The following ERCC6L variants were observed in gnomAD, a reference collection of about 807,000 sequenced individuals.
ERCC6L encodes the protein DNA excision repair protein ERCC-6-like.
Under a neutral mutation model 20.1 loss-of-function variants are expected in ERCC6L, and 7 were observed. The ratio of observed to expected loss-of-function variants is 0.35; its 90% CI spans 0.20 to 0.65. ERCC6L has a LOEUF of 0.65. Ranked by LOEUF, ERCC6L falls within the 30% of genes least tolerant of loss-of-function variation. The pLI, the probability that ERCC6L is intolerant of heterozygous loss-of-function variation, is 0.69. For synonymous variants in ERCC6L, 278 were observed against 331.3 expected (o/e 0.84, Z 1.75); for missense variants, 592 against 892.4 (o/e 0.66, Z 4.29).
chrX:72,218,509 T>G (rs1331373905), intron 1 of ERCC6L, among the ~76,000 whole-genome samples: 1 of 107,604 alleles, frequency 9.3e-6, no homozygotes, highest in Non-Finnish European at 1.9e-5. Flanking sequence ...TTTTTTTTTT[T>G]GGAAACAAGA....
chrX:72,206,167 T>C lies in ERCC6L; in HGVS notation c.2600A>G (p.Tyr867Cys), dbSNP rs1264226223. 1 of 1,210,311 alleles carries C rather than the reference T, an allele frequency of 8.3e-7. No individual in the cohort carries two copies. Among genetic ancestry groups the C allele is most frequent in the Non-Finnish European group, 1.1e-6 (1 of 895,256 alleles). ...LQEDPLESFN[Y>C]VLSKSTKADI... ...AGCTTTGGTTGATTTGCTAAGTACA[T>C]AATTAAAACTTTCCAGAGGATCCTC... Residue 867 changes from tyrosine to cysteine, a missense_variant, in exon 2 of 2, where the codon TAT (tyrosine) becomes TGT (cysteine). Tyr to Cys is a radical substitution (Grantham distance 194). This residue lies in a region of ERCC6L where 352 missense variants were observed against 402.6 expected (regional missense o/e 0.87). Transcript: ENST00000334463.
intron 1 of ERCC6L, among the ~76,000 whole-genome samples, chrX:72,229,690 T>A (rs1039448356): frequency 9.0e-6 from 1 of 111,592 alleles, no homozygotes; most frequent in African/African-American, 3.3e-5. Context: ...ATTGGACTTG[T>A]TCCTCCTGAT....
chrX:72,207,221 G>T lies in ERCC6L; in HGVS notation c.1546C>A (p.Arg516=). ...IDGTVTHLLE[R]EKRINLFQQN... ...TGGAATAAGTTAATTCTTTTTTCTC[G>T]TTCCAAAAGATGAGTAACTGTCCCA... The change falls in exon 2 of 2, where the codon CGA becomes AGA. Residue 516 remains arginine, a synonymous_variant. Transcript: ENST00000334463. 1.7e-6 allele frequency: 2 copies of T among 1,211,086 alleles called. No homozygotes were observed. Among genetic ancestry groups the T allele is most frequent in the Non-Finnish European group, 2.2e-6 (2 of 895,341 alleles).
At position 72,232,306 on chromosome X, in the gene ERCC6L, G is replaced by A. The variant is rs1224645648; in HGVS notation, c.68+6538C>T. On this transcript the variant is annotated intron_variant, in intron 1 of 1. Coordinates refer to ENST00000334463, the MANE Select transcript of ERCC6L (RefSeq NM_017669.4). ...AAAAAAAAAAAAAAAAAAGACAGCT[G>A]GGCATGGTGGCTCATGCCTGTAATC... Among the ~76,000 whole-genome samples, 3 of 95,624 alleles carry A rather than the reference G, an allele frequency of 3.1e-5. No homozygotes were observed. The Admixed American group carries it at 3.4e-4, about 11-fold the overall frequency. 83.0% of individuals were successfully genotyped at this position (95,624 alleles called of 115,157 possible).
intron 1 of ERCC6L, among the ~76,000 whole-genome samples, chrX:72,235,316 C>T (rs1418088289): frequency 9.1e-6 from 1 of 109,869 alleles, no homozygotes; most frequent in African/African-American, 3.3e-5. Context: ...CCCCATCTAC[C>T]GAGCCAGGTA....
At chrX:72,223,058 C>T (rs1423190344) in intron 1 of ERCC6L, among the ~76,000 whole-genome samples, 4 of 103,695 alleles carry the variant, frequency 3.9e-5, no homozygotes, top group Middle Eastern at 5.1e-3. Flanking sequence ...GAAGGTCAGC[C>T]GGGTGCAGTG....
intron 1 of ERCC6L, among the ~76,000 whole-genome samples, chrX:72,228,749 G>GT (rs1176754011): frequency 5.0e-4 from 54 of 108,190 alleles, no homozygotes; most frequent in Middle Eastern, 4.8e-3. Flanking sequence ...CTTTTTGCTT[G>GT]TTTTTTTTTC....
chrX:72,205,562 T>C lies in ERCC6L; in HGVS notation c.3205A>G (p.Ser1069Gly). 1 of 1,211,265 alleles carries C rather than the reference T, an allele frequency of 8.3e-7. No homozygotes were observed. The highest frequency in any genetic ancestry group is 1.1e-6 in the Non-Finnish European group (1 of 894,924). ...GATGAAAAGAACCTTCCTGGTGGAC[T>C]GATGTCATTTTTGGGAGTTGAAGCA... ...FDASTPKNDI[S>G]PPGRFFSSQI... Residue 1069 changes from serine to glycine, a missense_variant, in exon 2 of 2, where the codon AGT (serine) becomes GGT (glycine). Physicochemically the swap from Ser to Gly is moderately conservative, Grantham distance 56. Around this residue, in one of 3 missense-constraint regions of ERCC6L, gnomAD observed 352 missense variants for 402.6 expected, o/e 0.87. Coordinates refer to ENST00000334463, the MANE Select transcript of ERCC6L (RefSeq NM_017669.4).
At chrX:72,217,503 C>T (rs2042893051) in intron 1 of ERCC6L, among the ~76,000 whole-genome samples, 1 of 111,644 alleles carries the variant, frequency 9.0e-6, no homozygotes, top group Non-Finnish European at 1.9e-5. Flanking sequence ...AGTGTCAAGC[C>T]CCAAACCAAA....
chrX:72,204,820 C>A lies in ERCC6L; in HGVS notation c.*194G>T. 3.2e-6 allele frequency: 1 copy of A among 316,501 alleles called. No homozygotes were observed. Among genetic ancestry groups the A allele is most frequent in the Non-Finnish European group, 5.5e-6 (1 of 183,240 alleles). The allele number at this position is 316,501 out of a possible 1,213,427, so 26.1% of individuals were successfully genotyped here. A position where few individuals can be genotyped will look rare whatever the true frequency, so the allele number is the denominator to read the frequency against. ...AATATGCCTAAAATATAAGAATATT[C>A]AAGTGAAGAAATATTAAGCTAGTGC... is the stretch of plus-strand genomic sequence containing the variant. On this transcript the variant is annotated 3_prime_UTR_variant, in exon 2 of 2. Coordinates refer to ENST00000334463, the MANE Select transcript of ERCC6L (RefSeq NM_017669.4).
At chrX:72,222,031 C>T (rs1265942843) in intron 1 of ERCC6L, among the ~76,000 whole-genome samples, 3 of 109,334 alleles carry the variant, frequency 2.7e-5, no homozygotes, top group Non-Finnish European at 5.7e-5. Flanking sequence ...CCCCAGGGGG[C>T]CCTCCTGCCC....
At chrX:72,224,505 GGGA>G (rs1444337848) in intron 1 of ERCC6L, among the ~76,000 whole-genome samples, 15 of 111,841 alleles carry the variant, frequency 1.3e-4, no homozygotes, top group Admixed American at 1.3e-3. Flanking sequence ...ACAGCACTTT[GGGA>G]GGCCGAGGCA....
chrX:72,207,850 T>A lies in ERCC6L; in HGVS notation c.917A>T (p.Glu306Val). 1 of 1,206,625 alleles carries A rather than the reference T, an allele frequency of 8.3e-7. No homozygotes were observed. The highest frequency in any genetic ancestry group is 1.7e-5 in the African/African-American group (1 of 57,358). Residue 306 changes from glutamate to valine, a missense_variant, in exon 2 of 2, where the codon GAA (glutamate) becomes GTA (valine). This residue lies in a region of ERCC6L where 196 missense variants were observed against 440.1 expected (regional missense o/e 0.45). Coordinates refer to ENST00000334463, the MANE Select transcript of ERCC6L (RefSeq NM_017669.4). ...RAREKDATPG[E>V]KALGFKISEN... Reference sequence around the variant, plus strand: ...AGATATTTTAAATCCCAAGGCTTTTTCTCCTGGGGTAGCATCCTTCTCTCT... The same window carrying A: ...AGATATTTTAAATCCCAAGGCTTTTACTCCTGGGGTAGCATCCTTCTCTCT...
At chrX:72,217,985 T>C (rs888300523) in intron 1 of ERCC6L, among the ~76,000 whole-genome samples, 3 of 111,643 alleles carry the variant, frequency 2.7e-5, no homozygotes, top group Non-Finnish European at 5.6e-5. Flanking sequence ...ATAATAGAGA[T>C]GGGGGCCGGG....
chrX:72,232,500 G>A lies in ERCC6L; in HGVS notation c.68+6344C>T, dbSNP rs144168836. 2.0e-3 allele frequency among the ~76,000 whole-genome samples: 213 copies of A among 106,623 alleles called. 2 individuals carry two copies. The highest frequency in any genetic ancestry group is 6.9e-3 in the African/African-American group (202 of 29,206). 92.6% of individuals were successfully genotyped at this position (106,623 alleles called of 115,157 possible). Reference sequence around the variant, plus strand: ...TCCAGCTAATGAATACACAAAGAACGGTGAAACTAGAAAATCACGACTTTG... The same window carrying A: ...TCCAGCTAATGAATACACAAAGAACAGTGAAACTAGAAAATCACGACTTTG... On this transcript the variant is annotated intron_variant, in intron 1 of 1. Transcript: ENST00000334463.
Position 72,205,658 on chromosome X carries a change from A to C in ERCC6L, c.3109T>G (p.Phe1037Val). The change falls in exon 2 of 2, where the codon TTT (phenylalanine) becomes GTT (valine). Residue 1037 changes from phenylalanine (F) to valine (V), a missense_variant. Around this residue, in one of 3 missense-constraint regions of ERCC6L, gnomAD observed 352 missense variants for 402.6 expected, o/e 0.87. Transcript: ENST00000334463. ...GGATTTATGCTTGAGGTATCTTTAA[A>C]AGAATCATCTTCATCTTCGCCATCT... ...VSDGEDEDDS[F>V]KDTSSINPFN... 1 of 1,212,054 alleles carries C rather than the reference A, an allele frequency of 8.3e-7. No homozygotes were observed. The highest frequency in any genetic ancestry group is 1.8e-5 in the South Asian group (1 of 57,024).
At position 72,207,682 on chromosome X, in the gene ERCC6L, G is replaced by A; in HGVS notation, c.1085C>T (p.Ser362Phe). Reference sequence around the variant, plus strand: ...CCAAATAATTAAATCATTTTTCCTGGAAAGGGAAGGCATTTCACAAATGGC... The same window carrying A: ...CCAAATAATTAAATCATTTTTCCTGAAAAGGGAAGGCATTTCACAAATGGC... ...VDAICEMPSLSRKNDLIIWIR... is the reference protein window; with the variant it reads ...VDAICEMPSLFRKNDLIIWIR... The change falls in exon 2 of 2, where the codon TCC becomes TTC. Residue 362 changes from serine (S) to phenylalanine (F), a missense_variant. Physicochemically the swap from Ser to Phe is radical, Grantham distance 155. This residue lies in a region of ERCC6L where 196 missense variants were observed against 440.1 expected (regional missense o/e 0.45). Coordinates refer to ENST00000334463, the MANE Select transcript of ERCC6L (RefSeq NM_017669.4). 1 of 1,210,305 alleles carries A rather than the reference G, an allele frequency of 8.3e-7. No individual in the cohort carries two copies. The highest frequency in any genetic ancestry group is 3.0e-5 in the East Asian group (1 of 33,828).
chrX:72,224,944 A>G (rs1369752866), intron 1 of ERCC6L, among the ~76,000 whole-genome samples: 1 of 110,744 alleles, frequency 9.0e-6, no homozygotes, highest in Non-Finnish European at 1.9e-5. Context: ...TCATCTACTG[A>G]CTTTTGGCTG....
intron 1 of ERCC6L, among the ~76,000 whole-genome samples, chrX:72,222,598 T>TC (rs1340417228): frequency 1.0e-5 from 1 of 99,689 alleles, no homozygotes; most frequent in Non-Finnish European, 2.0e-5. Flanking sequence ...ATCCAGCCTT[T>TC]TTTTTTTTTT....
Sources: allele counts gnomAD v4.1 joint callset (sites outside exome capture counted in the v4.1 genomes callset), GRCh38; gene constraint gnomAD v4.1.1; regional missense constraint gnomAD v4.1.1; transcripts MANE v1.5; gene names NCBI Gene and HGNC (gene_info 2026-07-23, HGNC 2026-07-21).